The following ANKEF1 variants were observed in gnomAD, a reference collection of about 807,000 sequenced individuals.
ANKEF1 encodes ankyrin repeat and EF-hand domain-containing protein 1.
In ANKEF1, 43 loss-of-function variants were observed where a neutral mutation model predicts 65.1. That is an observed-to-expected ratio of 0.66 (90% confidence interval 0.52 to 0.85). The LOEUF (loss-of-function observed/expected upper bound fraction) is 0.85, where lower values mean the gene tolerates loss of function less well. Among genes scored for constraint, ANKEF1 ranks in the 40% least tolerant of loss-of-function variants. The probability of loss-of-function intolerance (pLI) is 0.00; values close to 1 mark genes in which losing one functional copy is unlikely to be tolerated. For missense variants in ANKEF1, 934 were observed against 952.9 expected, an observed-to-expected ratio of 0.98 and a Z score of 0.26; for synonymous variants, 316 against 341.5, an observed-to-expected ratio of 0.93 and a Z score of 0.82.
At position 10,056,160 on chromosome 20, in the gene ANKEF1, T is replaced by C. The variant is rs1985136896; in HGVS notation, c.*500T>C. On this transcript the variant is annotated 3_prime_UTR_variant, in exon 11 of 11. Transcript: ENST00000378392. ...TTTCTAGTGGAAATTGATGAAACAA[T>C]TTAGGTTTTGGAAAAAGAAGTAATA... 1 of 153,630 alleles carries C rather than the reference T, an allele frequency of 6.5e-6. No individual in the cohort carries two copies. The highest frequency in any genetic ancestry group is 1.4e-5 in the Non-Finnish European group (1 of 69,076). The allele number at this position is 153,630 out of a possible 1,614,324, so 9.5% of individuals were successfully genotyped here.
chr20:10,035,004 C>T lies in ANKEF1; in HGVS notation c.-438C>T, dbSNP rs1983748086. The T allele has an allele frequency of 1.3e-5, 2 of 152,926 alleles. No homozygotes were observed. The highest frequency in any genetic ancestry group is 1.3e-4 in the Admixed American group (2 of 15,280). The allele number at this position is 152,926 out of a possible 1,614,324, so 9.5% of individuals were successfully genotyped here. A position where few individuals can be genotyped will look rare whatever the true frequency, so the allele number is the denominator to read the frequency against. ...CTGCGGTTGCCCCGGCAGCCGCGCC[C>T]TGCGTGGCGGAAGCTCACAATCAGC... On this transcript the variant is annotated 5_prime_UTR_variant, in exon 1 of 11. Transcript: ENST00000378392.
At position 10,038,573 on chromosome 20, in the gene ANKEF1, T is replaced by C. The variant is rs1568509243; in HGVS notation, c.272T>C (p.Leu91Pro). Residue 91 changes from leucine (L) to proline (P), a missense_variant, in exon 3 of 11, where the codon CTG (leucine) becomes CCG (proline). Leu to Pro is a moderately conservative substitution (Grantham distance 98). Coordinates refer to ENST00000378392, the MANE Select transcript of ANKEF1 (RefSeq NM_022096.6). ...GCTPTMRAAE[L>P]GHELSMEILA... ...ACTCCCACAATGAGGGCTGCAGAACTGGGCCATGAATTGTCAATGGAAATA... is the reference window on the plus strand; with the variant it reads ...ACTCCCACAATGAGGGCTGCAGAACCGGGCCATGAATTGTCAATGGAAATA... 4 of 1,614,216 alleles carry C rather than the reference T, an allele frequency of 2.5e-6. No individual in the cohort carries two copies. Among genetic ancestry groups the C allele is most frequent in the East Asian group, 2.2e-5 (1 of 44,890 alleles).
chr20:10,053,357 T>G (rs1205078378), intron 9 of ANKEF1, 82 bp downstream of exon 9: 5 of 1,265,382 alleles, frequency 4.0e-6, no homozygotes, highest in Non-Finnish European at 5.5e-6. Context: ...ACTATTTACA[T>G]ATTGTTATAC....
At position 10,051,952 on chromosome 20, in the gene ANKEF1, C is replaced by G. The variant is rs1157959330; in HGVS notation, c.1870+63C>G. ...GGAGAACTTATGTTAGATTCTAAGC[C>G]CCTTCTGATTCTATTCTCGTAGGCT... On this transcript the variant is annotated intron_variant, in intron 8 of 10. Coordinates refer to ENST00000378392, the MANE Select transcript of ANKEF1 (RefSeq NM_022096.6). The G allele has an allele frequency of 2.5e-5, 31 of 1,260,876 alleles. No individual in the cohort carries two copies. In the East Asian group the frequency reaches 7.8e-4, roughly 32 times the overall value. The allele number at this position is 1,260,876 out of a possible 1,614,324, so 78.1% of individuals were successfully genotyped here.
chr20:10,036,741 C>T (rs1328469073), intron 2 of ANKEF1, among the ~76,000 whole-genome samples: 1 of 152,138 alleles, frequency 6.6e-6, no homozygotes, highest in Non-Finnish European at 1.5e-5. Flanking sequence ...ACTCGGGAGG[C>T]TGAGGCAGGA....
intron 7 of ANKEF1, 132 bp downstream of exon 7, chr20:10,050,344 T>A: frequency 1.5e-6 from 1 of 655,432 alleles, no homozygotes; most frequent in Non-Finnish European, 2.5e-6. Context: ...CTTTAATATA[T>A]AAAAGCCTTT....
chr20:10,038,941 A>G (rs1332172289), intron 3 of ANKEF1, among the ~76,000 whole-genome samples: 3 of 152,238 alleles, frequency 2.0e-5, no homozygotes, highest in Non-Finnish European at 2.9e-5. Flanking sequence ...CTGATTATTC[A>G]TTATAAATTA....
intron 4 of ANKEF1, among the ~76,000 whole-genome samples, chr20:10,043,652 CTTTTTTTTTTT>C (rs374135080): frequency 1.8e-4 from 15 of 81,374 alleles, no homozygotes; most frequent in African/African-American, 6.1e-4. Flanking sequence ...TTTTCTTTTC[CTTTTTTTTTTT>C]TTTTTTTTTT....
chr20:10,045,418 C>T (rs982105944), intron 5 of ANKEF1, among the ~76,000 whole-genome samples, 156 bp from the exon 6 acceptor site: 1 of 152,142 alleles, frequency 6.6e-6, no homozygotes, highest in African/African-American at 2.4e-5. Context: ...ACAAATGAAA[C>T]TTAAATATTT....
At chr20:10,035,427 A>G (rs1983782974) in intron 1 of ANKEF1, 94 bp downstream of exon 1, 1 of 152,268 alleles carries the variant, frequency 6.6e-6, no homozygotes, top group Non-Finnish European at 1.5e-5. Flanking sequence ...AAAAGTGGAA[A>G]GCACAGTAGA....
Position 10,055,639 on chromosome 20 carries a change from G to A in ANKEF1, c.2310G>A (p.Leu770=). Residue 770 remains leucine (L), a synonymous_variant, in exon 11 of 11, where the codon CTG becomes CTA. Coordinates refer to ENST00000378392, the MANE Select transcript of ANKEF1 (RefSeq NM_022096.6). The part of the protein sequence containing the change: ...QKNITEKARA[L]EAALKT Reference sequence around the variant, plus strand: ...ACATCACAGAGAAAGCTCGAGCACTGGAAGCTGCCTTGAAGACCTAAGTCA... The same window carrying A: ...ACATCACAGAGAAAGCTCGAGCACTAGAAGCTGCCTTGAAGACCTAAGTCA... The A allele has an allele frequency of 6.2e-7, 1 of 1,613,780 alleles. No individual in the cohort carries two copies. The highest frequency in any genetic ancestry group is 8.5e-7 in the Non-Finnish European group (1 of 1,179,776).
Position 10,043,165 on chromosome 20 carries a change from C to T in ANKEF1, c.390C>T (p.Arg130=). Residue 130 remains arginine, a synonymous_variant, in exon 4 of 11, where the codon CGC becomes CGT. Coordinates refer to ENST00000378392, the MANE Select transcript of ANKEF1 (RefSeq NM_022096.6). ...YCILPTKRHY[R]CALIALEHGA... is the part of the protein sequence containing the mutation. The stretch of plus-strand genomic sequence containing the variant: ...TTTTACCGACTAAGCGGCATTATCG[C>T]TGTGCTCTGATCGCCCTTGAACATG... The T allele has an allele frequency of 6.2e-7, 1 of 1,614,172 alleles. No homozygotes were observed.
At chr20:10,045,045 T>A (rs1422212554) in intron 5 of ANKEF1, among the ~76,000 whole-genome samples, 1 of 152,208 alleles carries the variant, frequency 6.6e-6, no homozygotes, top group Non-Finnish European at 1.5e-5. Context: ...AAAACACTAT[T>A]TTTTTAAATT....
At chr20:10,036,611 G>A (rs1034632861) in intron 2 of ANKEF1, among the ~76,000 whole-genome samples, 6 of 152,214 alleles carry the variant, frequency 3.9e-5, no homozygotes, top group Non-Finnish European at 1.5e-5. Flanking sequence ...GGAGGCTGAG[G>A]CGGGTGGATC....
In ANKEF1 at chr20:10,043,298, G is replaced by A. The variant is rs1359740524; in HGVS notation, c.523G>A (p.Ala175Thr). Residue 175 changes from alanine to threonine, a missense_variant, in exon 4 of 11, where the codon GCC becomes ACC. By Grantham distance (58) the Ala-to-Thr change is moderately conservative. Transcript: ENST00000378392. ...GTGCCTGACATTTTTGGAAAAAGGA[G>A]CCAATCCTAATGCAATCAACTCAGT... Reference protein sequence around the residue: ...DVCLTFLEKGANPNAINSSTG... With the variant: ...DVCLTFLEKGTNPNAINSSTG... The A allele has an allele frequency of 8.7e-6, 14 of 1,614,016 alleles. No homozygotes were observed. Among genetic ancestry groups the A allele is most frequent in the Non-Finnish European group, 1.1e-5 (13 of 1,180,000 alleles).
chr20:10,040,490 C>T (rs561158545), intron 3 of ANKEF1: 1 of 152,320 alleles, frequency 6.6e-6, no homozygotes, highest in Non-Finnish European at 1.5e-5. Context: ...GAAGGTAAAG[C>T]TCTAAGCCAA....
Position 10,050,225 on chromosome 20 carries a change from G to C in ANKEF1, c.1643+13G>C. The C allele has an allele frequency of 9.5e-6, 15 of 1,573,474 alleles. No homozygotes were observed. Among genetic ancestry groups the C allele is most frequent in the Non-Finnish European group, 1.3e-5 (15 of 1,159,956 alleles). ...TTCTTGAAAAAGGGTACGCGTCTCC[G>C]TCGGGTGTGGCCTAAATTTTCACGA... On this transcript the variant is annotated intron_variant, in intron 7 of 10. Transcript: ENST00000378392.
rs536978342 is a variant in ANKEF1, at chr20:10,057,647, T to G, written c.*1987T>G. 6.6e-6 allele frequency: 1 copy of G among 152,318 alleles called. No homozygotes were observed. Among genetic ancestry groups the G allele is most frequent in the East Asian group, 1.9e-4 (1 of 5,186 alleles). The allele number at this position is 152,318 out of a possible 1,614,324, so 9.4% of individuals were successfully genotyped here. ...GATGTTTTCATATTTGTGTGTCAGT[T>G]GAAGACATGATGTTTTAAATATTTC... is the stretch of plus-strand genomic sequence containing the variant. On this transcript the variant is annotated 3_prime_UTR_variant, in exon 11 of 11. Transcript: ENST00000378392.
chr20:10,055,421 A>T (rs1361978404), intron 10 of ANKEF1, 81 bp from the exon 11 acceptor site: 1 of 1,284,114 alleles, frequency 7.8e-7, no homozygotes, highest in African/African-American at 1.5e-5. Flanking sequence ...AAAACTGTGT[A>T]TTGAAAATTG....
Sources: allele counts gnomAD v4.1 joint callset (sites outside exome capture counted in the v4.1 genomes callset), GRCh38; gene constraint gnomAD v4.1.1; transcripts MANE v1.5; gene names NCBI Gene and HGNC (gene_info 2026-07-23, HGNC 2026-07-21).